The following CTNNA3 variants were observed in gnomAD, a reference collection of about 807,000 sequenced individuals.
CTNNA3 encodes catenin alpha 3.
A neutral mutation model predicts 95.7 loss-of-function variants in CTNNA3; 76 were observed. The observed-to-expected ratio is 0.79, with a 90% CI of 0.66 to 0.96. CTNNA3 has a LOEUF of 0.96. Ranked by LOEUF, CTNNA3 falls within the 40% of genes least tolerant of loss-of-function variation. CTNNA3 has a pLI of 0.00. For missense variants in CTNNA3, 1,191 were observed against 1,089.8 expected (o/e 1.09, Z -1.31); for synonymous variants, 431 against 374.4 (o/e 1.15, Z -1.74).
At chr10:66,169,512 G>C (rs1298064516) in intron 13 of CTNNA3, among the ~76,000 whole-genome samples, 1 of 152,074 alleles carries the variant, frequency 6.6e-6, no homozygotes, top group Non-Finnish European at 1.5e-5. Context: ...TTCATGTAAT[G>C]GCTTCTTTTC....
intron 16 of CTNNA3, among the ~76,000 whole-genome samples, chr10:65,980,370 C>G (rs1031411197): frequency 4.0e-5 from 6 of 151,674 alleles, no homozygotes; most frequent in African/African-American, 1.5e-4. Flanking sequence ...AGTCCAGGAC[C>G]AGACAAATTC....
chr10:66,710,292 C>T (rs1848249673), intron 9 of CTNNA3, among the ~76,000 whole-genome samples: 1 of 152,098 alleles, frequency 6.6e-6, no homozygotes, highest in Non-Finnish European at 1.5e-5. Context: ...AGGGCAATCA[C>T]ATGGTTGATG....
At position 65,917,982 on chromosome 10, in the gene CTNNA3, G is replaced by A. The variant is rs768844217; in HGVS notation, c.*2348C>T. On this transcript the variant is annotated 3_prime_UTR_variant, in exon 18 of 18. Transcript: ENST00000433211. ...TGCATCTTGTTTTTATGTCACTATC[G>A]ATTACCACAGCAGATTAACTCCTAG... 4 of 151,994 alleles carry A rather than the reference G, an allele frequency of 2.6e-5. No individual in the cohort carries two copies. Among genetic ancestry groups the A allele is most frequent in the African/African-American group, 4.8e-5 (2 of 41,394 alleles). 9.4% of individuals were successfully genotyped at this position (151,994 alleles called of 1,614,324 possible).
chr10:67,462,554 T>C (rs900031873), intron 5 of CTNNA3, among the ~76,000 whole-genome samples: 6 of 152,236 alleles, frequency 3.9e-5, no homozygotes, highest in African/African-American at 1.4e-4. Context: ...TAGTGTCTTA[T>C]ACAAAATCCC....
intron 16 of CTNNA3, among the ~76,000 whole-genome samples, chr10:65,977,793 T>TAATA (rs545915549): frequency 0.015 from 2,303 of 151,558 alleles, 56 homozygotes; most frequent in African/African-American, 0.05. Flanking sequence ...ATTAAAAAAA[T>TAATA]AATAAATAAA....
At chr10:67,260,820 G>C (rs1412193553) in intron 5 of CTNNA3, among the ~76,000 whole-genome samples, 1 of 152,006 alleles carries the variant, frequency 6.6e-6, no homozygotes, top group Non-Finnish European at 1.5e-5. Flanking sequence ...GAGTAGCTGG[G>C]ATTACAGGCA....
intron 5 of CTNNA3, among the ~76,000 whole-genome samples, chr10:67,449,091 A>G (rs1237357213): frequency 1.3e-5 from 2 of 151,994 alleles, no homozygotes; most frequent in Non-Finnish European, 2.9e-5. Context: ...ATTGACACAA[A>G]ACGAATTAAA....
intron 7 of CTNNA3, among the ~76,000 whole-genome samples, chr10:66,828,454 C>A (rs539755484): frequency 6.6e-6 from 1 of 152,174 alleles, no homozygotes; most frequent in Non-Finnish European, 1.5e-5. Context: ...CATCTGTGTA[C>A]GTGGCAATTT....
At chr10:66,856,166 G>A (rs1235024801) in intron 7 of CTNNA3, among the ~76,000 whole-genome samples, 4 of 151,870 alleles carry the variant, frequency 2.6e-5, no homozygotes, top group Admixed American at 6.6e-5. Context: ...AAGTGAGAAC[G>A]TGTGGTATTT....
At chr10:66,981,527 C>T (rs1179408906) in intron 7 of CTNNA3, among the ~76,000 whole-genome samples, 2 of 152,166 alleles carry the variant, frequency 1.3e-5, no homozygotes, top group African/African-American at 2.4e-5. Flanking sequence ...TACAGCATAT[C>T]TCCATTGCAC....
intron 11 of CTNNA3, among the ~76,000 whole-genome samples, chr10:66,395,890 CA>C (rs887859483): frequency 9.2e-5 from 14 of 151,934 alleles, no homozygotes; most frequent in Non-Finnish European, 1.9e-4. Context: ...ACCCACGTAG[CA>C]AAAATGGTAC....
chr10:65,920,164 G>C lies in CTNNA3; in HGVS notation c.*166C>G. 2 of 617,810 alleles carry C rather than the reference G, an allele frequency of 3.2e-6. No homozygotes were observed. Among genetic ancestry groups the C allele is most frequent in the Non-Finnish European group, 5.7e-6 (2 of 352,464 alleles). The allele number at this position is 617,810 out of a possible 1,614,324, so 38.3% of individuals were successfully genotyped here. A position where few individuals can be genotyped will look rare whatever the true frequency, so the allele number is the denominator to read the frequency against. Reference sequence around the variant, plus strand: ...GACCATACAGAAATGACAGTGATATGATCCCAAATATATATTGCTTTTGTT... The same window carrying C: ...GACCATACAGAAATGACAGTGATATCATCCCAAATATATATTGCTTTTGTT... On this transcript the variant is annotated 3_prime_UTR_variant, in exon 18 of 18. Coordinates refer to ENST00000433211, the MANE Select transcript of CTNNA3 (RefSeq NM_013266.4).
intron 13 of CTNNA3, among the ~76,000 whole-genome samples, chr10:66,104,423 T>C (rs12357560): frequency 0.21 from 32,615 of 152,162 alleles, 3,645 homozygotes; most frequent in Middle Eastern, 0.24. Context: ...TTTGTTTTAG[T>C]GCACAAGGTC....
chr10:66,398,714 TTC>T (rs2092998247), intron 11 of CTNNA3, among the ~76,000 whole-genome samples: 1 of 151,996 alleles, frequency 6.6e-6, no homozygotes. Context: ...AATTATAATC[TTC>T]TCTTTTACTC....
intron 7 of CTNNA3, among the ~76,000 whole-genome samples, chr10:67,042,377 G>C (rs1049114399): frequency 6.6e-6 from 1 of 152,114 alleles, no homozygotes; most frequent in Non-Finnish European, 1.5e-5. Context: ...CAAGTTTCTG[G>C]TTTGGATAAG....
At chr10:66,558,680 G>T (rs890848109) in intron 10 of CTNNA3, among the ~76,000 whole-genome samples, 5 of 152,200 alleles carry the variant, frequency 3.3e-5, no homozygotes, top group African/African-American at 1.2e-4. Context: ...ATTGGAATAA[G>T]ATAGATAAAT....
intron 15 of CTNNA3, among the ~76,000 whole-genome samples, chr10:66,065,145 CA>C (rs1311709793): frequency 1.0e-3 from 155 of 151,534 alleles, no homozygotes; most frequent in Non-Finnish European, 2.9e-5. Context: ...CCTGGGTGGC[CA>C]AAAAAGGCTA....
chr10:66,319,766 GA>G (rs2092156260), intron 12 of CTNNA3, among the ~76,000 whole-genome samples: 1 of 152,024 alleles, frequency 6.6e-6, no homozygotes. Flanking sequence ...CTGGATAAAA[GA>G]AAACAAACAA....
intron 7 of CTNNA3, among the ~76,000 whole-genome samples, chr10:66,978,537 A>ATAAATAAAATAAAAATAAAAAAAAT (rs1850201597): frequency 7.2e-5 from 7 of 97,512 alleles, no homozygotes; most frequent in Non-Finnish European, 1.2e-4. Context: ...AAAAAAAAAA[A>ATAAATAAAATAAAAATAAAAAAAAT]AAAAAAAAAA....
Sources: allele counts gnomAD v4.1 joint callset (sites outside exome capture counted in the v4.1 genomes callset), GRCh38; gene constraint gnomAD v4.1.1; transcripts MANE v1.5; gene names NCBI Gene and HGNC (gene_info 2026-07-23, HGNC 2026-07-21).